Variants in NPTN observed in about 807,000 individuals in gnomAD.
The protein encoded by NPTN is neuroplastin, also known as SDR-1.
In NPTN, 5 loss-of-function variants were observed where a neutral mutation model predicts 42.7. The observed-to-expected ratio is 0.12, with a 90% CI of 0.06 to 0.25. NPTN has a LOEUF of 0.25. NPTN is among the 10% of genes least tolerant of loss of function. The pLI, the probability that NPTN is intolerant of heterozygous loss-of-function variation, is 1.00. For missense variants in NPTN, 307 were observed against 525.4 expected (o/e 0.58, Z 4.06); for synonymous variants, 180 against 201.9 (o/e 0.89, Z 0.92).
intron 1 of NPTN, among the ~76,000 whole-genome samples, chr15:73,612,695 G>T (rs1049216895): frequency 1.3e-5 from 2 of 152,126 alleles, no homozygotes; most frequent in Non-Finnish European, 2.9e-5. Context: ...GCGTGAACCC[G>T]GGAGGCGGAG....
chr15:73,611,393 AAAAAC>A (rs761839570), intron 1 of NPTN, among the ~76,000 whole-genome samples: 102 of 152,182 alleles, frequency 6.7e-4, no homozygotes, highest in African/African-American at 2.2e-3. Flanking sequence ...TATTCAATGC[AAAAAC>A]AAAACAAAAC....
rs1566997863 is a variant in NPTN, at chr15:73,633,349, C to T, written c.-134G>A. The T allele has an allele frequency of 1.7e-6, 1 of 582,506 alleles. No individual in the cohort carries two copies. Among genetic ancestry groups the T allele is most frequent in the Non-Finnish European group, 2.7e-6 (1 of 365,648 alleles). 36.1% of individuals were successfully genotyped at this position (582,506 alleles called of 1,614,324 possible). A position where few individuals can be genotyped will look rare whatever the true frequency, so the allele number is the denominator to read the frequency against. On this transcript the variant is annotated 5_prime_UTR_variant, in exon 1 of 9. Transcript: ENST00000345330. ...GGAGGCAGCCGCGGCTCGGCTCCGT[C>T]CTTCCCCGTCCTCCTCCTGCCGCCG...
chr15:73,580,531 G>A (rs1895976495), intron 4 of NPTN, among the ~76,000 whole-genome samples: 2 of 132,698 alleles, frequency 1.5e-5, no homozygotes, highest in Non-Finnish European at 3.1e-5. Context: ...AGTTATATAT[G>A]TATATATTTG....
At chr15:73,589,992 T>C (rs1896507609) in intron 3 of NPTN, among the ~76,000 whole-genome samples, 1 of 151,750 alleles carries the variant, frequency 6.6e-6, no homozygotes, top group Non-Finnish European at 1.5e-5. Flanking sequence ...AAGAAAGACC[T>C]GCTGTTCCTT....
At chr15:73,582,188 A>C (rs1162840163) in intron 4 of NPTN, among the ~76,000 whole-genome samples, 1 of 152,184 alleles carries the variant, frequency 6.6e-6, no homozygotes, top group East Asian at 1.9e-4. Context: ...CTTATCTTCA[A>C]AGAAAATCTA....
At chr15:73,567,806 G>C (rs1018979067) in intron 6 of NPTN, 13 of 985,290 alleles carry the variant, frequency 1.3e-5, no homozygotes, top group Admixed American at 6.2e-5. Context: ...TGTCAGGAAG[G>C]GAAGGAGAGA....
chr15:73,565,062 C>T (rs551232409), intron 6 of NPTN, among the ~76,000 whole-genome samples: 1 of 152,302 alleles, frequency 6.6e-6, no homozygotes, highest in East Asian at 1.9e-4. Context: ...ATGTCACTTT[C>T]CAGCCCAACA....
At chr15:73,605,098 AAG>A (rs1897234787) in intron 1 of NPTN, among the ~76,000 whole-genome samples, 1 of 126,998 alleles carries the variant, frequency 7.9e-6, no homozygotes, top group African/African-American at 3.5e-5. Context: ...ACCCTGTCTC[AAG>A]GGGGGGGGGG....
In NPTN at chr15:73,633,373, C is replaced by G; in HGVS notation, c.-158G>C. 1 of 505,912 alleles carries G rather than the reference C, an allele frequency of 2.0e-6. No homozygotes were observed. The highest frequency in any genetic ancestry group is 3.3e-6 in the Non-Finnish European group (1 of 302,912). 31.3% of individuals were successfully genotyped at this position (505,912 alleles called of 1,614,324 possible). ...TCCTTCCCCGTCCTCCTCCTGCCGC[C>G]GCAGCGCCCAGGCCTCGCGAGACCT... On this transcript the variant is annotated 5_prime_UTR_variant, in exon 1 of 9. Transcript: ENST00000345330.
At chr15:73,567,574 A>G in intron 6 of NPTN, 1 of 985,390 alleles carries the variant, frequency 1.0e-6, no homozygotes, top group South Asian at 4.7e-5. Flanking sequence ...GGAACTGGCT[A>G]AAGAAGGAAA....
chr15:73,564,954 T>G (rs1595891693), intron 6 of NPTN, among the ~76,000 whole-genome samples: 1 of 152,306 alleles, frequency 6.6e-6, no homozygotes, highest in East Asian at 1.9e-4. Context: ...CAGGCTAATC[T>G]TTTCAAAGCA....
intron 3 of NPTN, among the ~76,000 whole-genome samples, chr15:73,590,896 AATTTCTAAT>A (rs1285294333): frequency 6.6e-6 from 1 of 152,158 alleles, no homozygotes; most frequent in Non-Finnish European, 1.5e-5. Context: ...GCTGAGGCTA[AATTTCTAAT>A]TTTTTTTTTT....
chr15:73,592,693 GA>G (rs1896650805), intron 2 of NPTN, among the ~76,000 whole-genome samples: 1 of 152,124 alleles, frequency 6.6e-6, no homozygotes, highest in South Asian at 2.1e-4. Context: ...CTTCCTATTG[GA>G]AGTCACTTGC....
At chr15:73,581,243 T>C (rs1317741596) in intron 4 of NPTN, among the ~76,000 whole-genome samples, 1 of 152,224 alleles carries the variant, frequency 6.6e-6, no homozygotes, top group Non-Finnish European at 1.5e-5. Flanking sequence ...TTCTATGGTC[T>C]TGCCTTTTAA....
Position 73,569,300 on chromosome 15 carries a change from G to C in NPTN, c.1114+850C>G, listed in dbSNP as rs139397520. The stretch of plus-strand genomic sequence containing the variant: ...AGCTTCCCCCTTCACAGGAAAAATC[G>C]ATCACCAAAAATTTCCCAAGGCTTT... On this transcript the variant is annotated intron_variant, in intron 6 of 8. Transcript: ENST00000345330. This position sits in a 1 kb window ranked among gnomAD's most constrained non-coding sequence, Gnocchi z 4.1. 27 of 985,518 alleles carry C rather than the reference G, an allele frequency of 2.7e-5. No homozygotes were observed. The East Asian group carries it at 2.5e-3, about 91-fold the overall frequency. The allele number at this position is 985,518 out of a possible 1,614,324, so 61.0% of individuals were successfully genotyped here. A position where few individuals can be genotyped will look rare whatever the true frequency, so the allele number is the denominator to read the frequency against.
intron 1 of NPTN, among the ~76,000 whole-genome samples, chr15:73,618,044 C>A (rs960037942): frequency 6.6e-6 from 1 of 152,222 alleles, no homozygotes; most frequent in East Asian, 1.9e-4. Flanking sequence ...TTTCGTTTCA[C>A]AACGTTTCAC....
chr15:73,627,969 G>T (rs562492320), intron 1 of NPTN, among the ~76,000 whole-genome samples: 1 of 150,968 alleles, frequency 6.6e-6, no homozygotes, highest in African/African-American at 2.4e-5. Flanking sequence ...CTGTCTTCCC[G>T]AAGTTAATCC....
At position 73,568,358 on chromosome 15, in the gene NPTN, GACT is replaced by G. The variant is rs903937276; in HGVS notation, c.1114+1789_1114+1791del. ...AGTCCATCTCTGCCTTCTCTTACCT[GACT>G]TTTTAGCTTCTCAACCTTTCCAAAA... On this transcript the variant is annotated intron_variant, in intron 6 of 8. Transcript: ENST00000345330. 6 of 985,264 alleles carry G rather than the reference GACT, an allele frequency of 6.1e-6. No individual in the cohort carries two copies. In the African/African-American group the frequency reaches 1.0e-4, roughly 17 times the overall value. 61.0% of individuals were successfully genotyped at this position (985,264 alleles called of 1,614,324 possible). A position where few individuals can be genotyped will look rare whatever the true frequency, so the allele number is the denominator to read the frequency against.
At chr15:73,599,042 T>G (rs1431949638) in intron 1 of NPTN, among the ~76,000 whole-genome samples, 1 of 152,196 alleles carries the variant, frequency 6.6e-6, no homozygotes, top group Non-Finnish European at 1.5e-5. Flanking sequence ...TTAACAGGCT[T>G]AGACTAAACG....
Sources: gnomAD v4.1 joint callset for allele counts (sites outside exome capture counted in the v4.1 genomes callset) on GRCh38, gnomAD v4.1.1 for gene constraint, Gnocchi (gnomAD v3.1) non-coding constraint, MANE v1.5 for transcripts, NCBI Gene and HGNC (gene_info 2026-07-23, HGNC 2026-07-21) for gene names.